Variants in MTUS2 observed in about 807,000 individuals in gnomAD.
The protein encoded by MTUS2 is microtubule-associated tumor suppressor candidate 2.
MTUS2 carries 40 observed loss-of-function variants against 114.1 expected under a neutral mutation model. The observed-to-expected ratio is 0.35, with a 90% CI of 0.27 to 0.46. MTUS2 has a LOEUF of 0.46. MTUS2 is among the 20% of genes least tolerant of loss of function. MTUS2 has a pLI of 1.00. For synonymous variants in MTUS2, 688 were observed against 672.0 expected (o/e 1.02, Z -0.37); for missense variants, 1,679 against 1,705.4 (o/e 0.98, Z 0.27).
In MTUS2 at chr13:29,407,346, TTCTCTC is replaced by T. The variant is rs774309789; in HGVS notation, c.3118-32635_3118-32630del. Among the ~76,000 whole-genome samples, 394 of 152,288 alleles carry T rather than the reference TTCTCTC, an allele frequency of 2.6e-3. 2 individuals carry two copies. Among genetic ancestry groups the T allele is most frequent in the Non-Finnish European group, 2.8e-3 (191 of 68,022 alleles). On this transcript the variant is annotated intron_variant, in intron 8 of 15. Transcript: ENST00000612955. ...TCAAGTTGTGCACCTGTGCAAAAGT[TTCTCTC>T]TAAAGTATATATTTAGACGTGGAAT...
chr13:29,143,215 G>A (rs113800035), intron 5 of MTUS2, among the ~76,000 whole-genome samples: 2,568 of 152,246 alleles, frequency 0.017, 70 homozygotes, highest in African/African-American at 0.059. Flanking sequence ...CTAGGTGTCA[G>A]GTAGGGAAGG....
intron 4 of MTUS2, among the ~76,000 whole-genome samples, chr13:29,076,194 G>T (rs1263998832): frequency 1.3e-5 from 2 of 152,090 alleles, no homozygotes; most frequent in Admixed American, 1.3e-4. Context: ...AAGTCTCTTT[G>T]AAGCTCCTTA....
chr13:29,000,646 A>T (rs185891026), intron 2 of MTUS2, among the ~76,000 whole-genome samples: 79 of 152,276 alleles, frequency 5.2e-4, no homozygotes, highest in Non-Finnish European at 9.7e-4. Context: ...GATTACAAGC[A>T]TAAGCCACTG....
At chr13:29,123,300 CTG>C (rs1194618783) in intron 5 of MTUS2, among the ~76,000 whole-genome samples, 7 of 151,880 alleles carry the variant, frequency 4.6e-5, no homozygotes, top group Admixed American at 2.6e-4. Context: ...TTTAAATACT[CTG>C]TGATTCATTG....
chr13:29,256,520 T>C lies in MTUS2; in HGVS notation c.2645-25184T>C, dbSNP rs538718646. Among the ~76,000 whole-genome samples the C allele has an allele frequency of 1.0e-3, 155 of 152,232 alleles. 1 individual carries two copies. Among genetic ancestry groups the C allele is most frequent in the Non-Finnish European group, 1.9e-3 (126 of 68,038 alleles). On this transcript the variant is annotated intron_variant, in intron 5 of 15. Transcript: ENST00000612955. ...ACGGAGGGACAAGGGCAGGGCCTCCTTCCTATCGTCACACTTTCATGTCCT... is the reference window on the plus strand; with the variant it reads ...ACGGAGGGACAAGGGCAGGGCCTCCCTCCTATCGTCACACTTTCATGTCCT...
At chr13:28,913,069 T>A (rs527580052) in intron 2 of MTUS2, among the ~76,000 whole-genome samples, 2 of 151,752 alleles carry the variant, frequency 1.3e-5, no homozygotes, top group Non-Finnish European at 2.9e-5. Context: ...CAAAGATAAT[T>A]TGACTTCCTG....
rs536979434 is a variant in MTUS2, at chr13:29,118,357, C to G, written c.2644+17387C>G. Among the ~76,000 whole-genome samples, 7 of 152,174 alleles carry G rather than the reference C, an allele frequency of 4.6e-5. No homozygotes were observed. The East Asian group carries it at 1.4e-3, about 29-fold the overall frequency. ...TCCAGGGTGAGGTTAGTGATGGACACTGGGCTGGAACCTGGCTCTGATGTC... is the reference window on the plus strand; with the variant it reads ...TCCAGGGTGAGGTTAGTGATGGACAGTGGGCTGGAACCTGGCTCTGATGTC... On this transcript the variant is annotated intron_variant, in intron 5 of 15. Coordinates refer to ENST00000612955, the MANE Select transcript of MTUS2 (RefSeq NM_001033602.4).
At chr13:28,909,157 T>C (rs1880241019) in intron 2 of MTUS2, among the ~76,000 whole-genome samples, 1 of 151,616 alleles carries the variant, frequency 6.6e-6, no homozygotes, top group South Asian at 2.1e-4. Context: ...GGCTTAGGAT[T>C]GACTTGGCGA....
chr13:29,281,782 G>A lies in MTUS2; in HGVS notation c.2723G>A (p.Arg908Gln), dbSNP rs542576593. The A allele has an allele frequency of 6.8e-6, 11 of 1,612,326 alleles. No individual in the cohort carries two copies. The highest frequency in any genetic ancestry group is 1.7e-4 in the Middle Eastern group (1 of 6,058). The change falls in exon 6 of 16, where the codon CGG becomes CAG. Residue 908 changes from arginine to glutamine, a missense_variant. Arg to Gln is a conservative substitution (Grantham distance 43). Transcript: ENST00000612955. Reference protein sequence around the residue: ...PSKDTPKGAGRVAPPASSSVT... With the variant: ...PSKDTPKGAGQVAPPASSSVT... Reference sequence around the variant, plus strand: ...AAGGACACACCCAAGGGGGCCGGCCGGGTGGCCCCTCCAGCATCCTCCAGT... The same window carrying A: ...AAGGACACACCCAAGGGGGCCGGCCAGGTGGCCCCTCCAGCATCCTCCAGT...
chr13:29,154,068 G>A (rs1019970713), intron 5 of MTUS2, among the ~76,000 whole-genome samples: 1 of 152,158 alleles, frequency 6.6e-6, no homozygotes, highest in Non-Finnish European at 1.5e-5. Flanking sequence ...GTTGGAGTTC[G>A]ATTCATTGTT....
chr13:29,021,129 T>C (rs1191895935), intron 2 of MTUS2, among the ~76,000 whole-genome samples: 1 of 152,044 alleles, frequency 6.6e-6, no homozygotes, highest in Non-Finnish European at 1.5e-5. Flanking sequence ...TAGCCAGATG[T>C]GGTGGTGTGC....
At chr13:29,445,976 G>T (rs114565186) in intron 9 of MTUS2, among the ~76,000 whole-genome samples, 4,378 of 151,938 alleles carry the variant, frequency 0.029, 201 homozygotes, top group African/African-American at 0.099. Context: ...GTCCCTGGAA[G>T]TTGGTGGGTG....
rs936395744 is a variant in MTUS2, at chr13:29,252,440, C to A, written c.2645-29264C>A. On this transcript the variant is annotated intron_variant, in intron 5 of 15. Coordinates refer to ENST00000612955, the MANE Select transcript of MTUS2 (RefSeq NM_001033602.4). Reference sequence around the variant, plus strand: ...TTTTCTGGAGTAGGTCTAAATGCGTCCTGGCCACAGTGAGTGAGGCGTTGC... The same window carrying A: ...TTTTCTGGAGTAGGTCTAAATGCGTACTGGCCACAGTGAGTGAGGCGTTGC... Among the ~76,000 whole-genome samples the A allele has an allele frequency of 5.3e-5, 8 of 152,158 alleles. No homozygotes were observed. In the South Asian group the frequency reaches 8.3e-4, roughly 16 times the overall value.
At chr13:29,393,413 C>T (rs7319196) in intron 8 of MTUS2, among the ~76,000 whole-genome samples, 20,740 of 152,134 alleles carry the variant, frequency 0.14, 1,753 homozygotes, top group African/African-American at 0.24. Context: ...AGCGTCCTCT[C>T]CCAAAATGGA....
intron 2 of MTUS2, among the ~76,000 whole-genome samples, chr13:28,929,753 C>T (rs1295133620): frequency 6.6e-6 from 1 of 152,216 alleles, no homozygotes; most frequent in African/African-American, 2.4e-5. Flanking sequence ...TGCTAAGTGT[C>T]AGGTGTGTGC....
rs117184258 is a variant in MTUS2, at chr13:29,160,127, C to T, written c.2644+59157C>T. Among the ~76,000 whole-genome samples the T allele has an allele frequency of 4.6e-5, 7 of 152,280 alleles. No homozygotes were observed. The East Asian group carries it at 1.4e-3, about 29-fold the overall frequency. On this transcript the variant is annotated intron_variant, in intron 5 of 15. Coordinates refer to ENST00000612955, the MANE Select transcript of MTUS2 (RefSeq NM_001033602.4). ...CTTCCGTGGGCACATGATTAAACAA[C>T]TGTGGCACATCCACACCACAGACTG...
intron 2 of MTUS2, among the ~76,000 whole-genome samples, chr13:28,999,569 A>G (rs1244493804): frequency 2.6e-5 from 4 of 152,246 alleles, no homozygotes. Context: ...TTGTGTAATG[A>G]TCAAATCAGG....
intron 8 of MTUS2, among the ~76,000 whole-genome samples, chr13:29,383,248 G>A (rs867342528): frequency 0.074 from 4,699 of 63,186 alleles, 104 homozygotes; most frequent in African/African-American, 0.08. Flanking sequence ...GTGTGTGTGT[G>A]TGTGTATTTA....
intron 11 of MTUS2, chr13:29,488,249 C>A (rs934315818): frequency 6.0e-6 from 3 of 497,988 alleles, no homozygotes; most frequent in Non-Finnish European, 1.1e-5. Flanking sequence ...ATTCCCCGTC[C>A]CCTGGGGAGC....
Sources: allele counts gnomAD v4.1 joint callset (sites outside exome capture counted in the v4.1 genomes callset), GRCh38; gene constraint gnomAD v4.1.1; transcripts MANE v1.5; gene names NCBI Gene and HGNC (gene_info 2026-07-23, HGNC 2026-07-21).